Variants in OXR1 observed in about 807,000 individuals in gnomAD.
OXR1 encodes the protein oxidation resistance protein 1.
OXR1 carries 41 observed loss-of-function variants against 104.6 expected under a neutral mutation model. The observed-to-expected ratio is 0.39, with a 90% CI of 0.31 to 0.51. The LOEUF (loss-of-function observed/expected upper bound fraction) is 0.51, where lower values mean the gene tolerates loss of function less well. Among genes scored for constraint, OXR1 ranks in the 20% least tolerant of loss-of-function variants. The probability of loss-of-function intolerance (pLI) is 0.77; values close to 1 mark genes in which losing one functional copy is unlikely to be tolerated. For synonymous variants in OXR1, 348 were observed against 348.4 expected, an observed-to-expected ratio of 1.00 and a Z score of 0.01; for missense variants, 955 against 1,031.9, an observed-to-expected ratio of 0.93 and a Z score of 1.02.
chr8:106,481,215 C>A (rs760369613), intron 2 of OXR1, among the ~76,000 whole-genome samples: 5 of 151,928 alleles, frequency 3.3e-5, no homozygotes, highest in Non-Finnish European at 5.9e-5. Context: ...ACACATAAGA[C>A]CCTTAATGTT....
intron 3 of OXR1, among the ~76,000 whole-genome samples, chr8:106,542,772 G>A (rs1348964143): frequency 6.6e-6 from 1 of 151,972 alleles, no homozygotes; most frequent in Non-Finnish European, 1.5e-5. Flanking sequence ...TTAGCTTGAT[G>A]CCTAGGGTCA....
In OXR1 at chr8:106,713,826, A is replaced by G. The variant is rs372884510; in HGVS notation, c.1797A>G (p.Thr599=). 4.1e-5 allele frequency: 63 copies of G among 1,547,548 alleles called. No homozygotes were observed. Among genetic ancestry groups the G allele is most frequent in the Middle Eastern group, 3.4e-4 (2 of 5,892 alleles). Residue 599 remains threonine (T), a synonymous_variant, in exon 11 of 17, where the codon ACA becomes ACG. Transcript: ENST00000517566. ...EYWFAVPQER[T]DHLYAFFIQW... is the part of the protein sequence containing the mutation. ...TAATAGTCACTTCTCCTAACAGGACAGATCACTTGTATGCCTTCTTCATTC... is the reference window on the plus strand; with the variant it reads ...TAATAGTCACTTCTCCTAACAGGACGGATCACTTGTATGCCTTCTTCATTC...
At chr8:106,730,283 G>A (rs1833760838) in intron 11 of OXR1, among the ~76,000 whole-genome samples, 1 of 152,030 alleles carries the variant, frequency 6.6e-6, no homozygotes, top group South Asian at 2.1e-4. Flanking sequence ...CATTCTTTGA[G>A]TTGTATATTC....
At chr8:106,567,901 T>C (rs554446076) in intron 3 of OXR1, among the ~76,000 whole-genome samples, 1 of 152,302 alleles carries the variant, frequency 6.6e-6, no homozygotes, top group African/African-American at 2.4e-5. Flanking sequence ...CACTGAACAA[T>C]GTCTAAAATA....
intron 3 of OXR1, among the ~76,000 whole-genome samples, chr8:106,575,699 TAA>T (rs10583625): frequency 0.54 from 78,669 of 145,948 alleles, 21,136 homozygotes; most frequent in African/African-American, 0.61. Flanking sequence ...AAGAATATAT[TAA>T]AAAAAAAAAA....
chr8:106,620,693 C>A (rs1821630895), intron 3 of OXR1, among the ~76,000 whole-genome samples: 1 of 152,180 alleles, frequency 6.6e-6, no homozygotes, highest in Non-Finnish European at 1.5e-5. Context: ...TATGTTTCTG[C>A]TCATTAAAAG....
rs557882312 is a variant in OXR1 at position 106,626,078 on chromosome 8, A to G, written c.221-53132A>G. On this transcript the variant is annotated intron_variant, in intron 3 of 16. Coordinates refer to ENST00000517566, the MANE Select transcript of OXR1 (RefSeq NM_001198533.2). Reference sequence around the variant, plus strand: ...TGTGTGTGTGTGTGTGTCTTATAGCATAAGTTCTTACAAGAAAAAAGACAA... The same window carrying G: ...TGTGTGTGTGTGTGTGTCTTATAGCGTAAGTTCTTACAAGAAAAAAGACAA... Among the ~76,000 whole-genome samples, 31 of 146,214 alleles carry G rather than the reference A, an allele frequency of 2.1e-4. No homozygotes were observed. In the Middle Eastern group the frequency reaches 0.011, roughly 50 times the overall value.
chr8:106,417,959 C>T lies in OXR1; in HGVS notation c.23+58323C>T, dbSNP rs147945267. Among the ~76,000 whole-genome samples the T allele has an allele frequency of 7.6e-3, 1,156 of 151,304 alleles. 20 individuals carry two copies. The highest frequency in any genetic ancestry group is 0.027 in the African/African-American group (1,095 of 40,696). Reference sequence around the variant, plus strand: ...ACTTCTAGGCCTGAGTGGCCAAGGACGGTGAGAAGCTGAGGGCTTTGTGGA... The same window carrying T: ...ACTTCTAGGCCTGAGTGGCCAAGGATGGTGAGAAGCTGAGGGCTTTGTGGA... On this transcript the variant is annotated intron_variant, in intron 2 of 16. Coordinates refer to ENST00000517566, the MANE Select transcript of OXR1 (RefSeq NM_001198533.2).
chr8:106,655,399 G>A (rs1158419846), intron 3 of OXR1, among the ~76,000 whole-genome samples: 2 of 151,854 alleles, frequency 1.3e-5, no homozygotes, highest in Non-Finnish European at 2.9e-5. Flanking sequence ...TTATGTGGCT[G>A]ATAGAGGAAG....
intron 2 of OXR1, among the ~76,000 whole-genome samples, chr8:106,362,390 G>A (rs1734061929): frequency 6.6e-6 from 1 of 152,062 alleles, no homozygotes. Flanking sequence ...TATAGTTACA[G>A]GCATATTTAC....
intron 3 of OXR1, among the ~76,000 whole-genome samples, chr8:106,632,945 C>A (rs1255294984): frequency 6.7e-6 from 1 of 148,324 alleles, no homozygotes; most frequent in Non-Finnish European, 1.5e-5. Flanking sequence ...TTTCAAAAAA[C>A]AGCCAACCGG....
intron 1 of OXR1, among the ~76,000 whole-genome samples, chr8:106,310,006 A>C (rs1813631165): frequency 6.6e-6 from 1 of 151,410 alleles, no homozygotes; most frequent in Non-Finnish European, 1.5e-5. Flanking sequence ...TTCATTTTTT[A>C]TGTTTTTGTT....
Position 106,654,993 on chromosome 8 carries a change from C to A in OXR1, c.221-24217C>A, listed in dbSNP as rs141588966. 8.0e-3 allele frequency among the ~76,000 whole-genome samples: 1,219 copies of A among 152,008 alleles called. 8 individuals carry two copies. The highest frequency in any genetic ancestry group is 0.027 in the Middle Eastern group (8 of 294). On this transcript the variant is annotated intron_variant, in intron 3 of 16. Transcript: ENST00000517566. Reference sequence around the variant, plus strand: ...TTTGGTGGTAAGAAGGAATGAAGTACCAATACATGTTACAACATGAAGAAG... The same window carrying A: ...TTTGGTGGTAAGAAGGAATGAAGTAACAATACATGTTACAACATGAAGAAG...
chr8:106,351,823 T>C (rs1314525837), intron 1 of OXR1, among the ~76,000 whole-genome samples: 2 of 152,222 alleles, frequency 1.3e-5, no homozygotes, highest in Non-Finnish European at 2.9e-5. Context: ...GCAGGCAATA[T>C]CAAGTTAGTT....
chr8:106,666,563 G>A (rs766100273), intron 3 of OXR1, among the ~76,000 whole-genome samples: 1 of 152,190 alleles, frequency 6.6e-6, no homozygotes, highest in Non-Finnish European at 1.5e-5. Flanking sequence ...GAGAGATTGG[G>A]CTCAACTCCA....
chr8:106,693,144 T>G (rs1284436758), intron 7 of OXR1, among the ~76,000 whole-genome samples: 7 of 152,148 alleles, frequency 4.6e-5, no homozygotes, highest in Non-Finnish European at 1.0e-4. Flanking sequence ...ATTTCAAAAG[T>G]GTGAATAAAA....
intron 2 of OXR1, among the ~76,000 whole-genome samples, chr8:106,413,385 G>C (rs777034247): frequency 1.3e-5 from 2 of 152,062 alleles, no homozygotes; most frequent in Non-Finnish European, 2.9e-5. Flanking sequence ...GCTAATGTAT[G>C]TGCTAGTATT....
intron 3 of OXR1, among the ~76,000 whole-genome samples, chr8:106,653,081 A>T (rs866038899): frequency 0.019 from 2,302 of 121,672 alleles, 35 homozygotes; most frequent in East Asian, 0.081. Flanking sequence ...GAAAAAAAAA[A>T]AAATATATAT....
At chr8:106,427,085 G>C (rs1819157486) in intron 2 of OXR1, among the ~76,000 whole-genome samples, 1 of 152,140 alleles carries the variant, frequency 6.6e-6, no homozygotes, top group Non-Finnish European at 1.5e-5. Flanking sequence ...AGACTGCAGG[G>C]CAAAGCTTCT....
Sources: gnomAD v4.1 joint callset for allele counts (sites outside exome capture counted in the v4.1 genomes callset) on GRCh38, gnomAD v4.1.1 for gene constraint, MANE v1.5 for transcripts, NCBI Gene and HGNC (gene_info 2026-07-23, HGNC 2026-07-21) for gene names.